Variants in RASAL2 observed in about 807,000 individuals in gnomAD.
RASAL2 encodes RAS protein activator like 2.
Under a neutral mutation model 128.9 loss-of-function variants are expected in RASAL2, and 58 were observed. That is an observed-to-expected ratio of 0.45 (90% CI 0.36 to 0.56). RASAL2 has a LOEUF of 0.56. Ranked by LOEUF, RASAL2 falls within the 20% of genes least tolerant of loss-of-function variation. The pLI is 0.00. For missense variants in RASAL2, 1,360 were observed against 1,601.6 expected, an observed-to-expected ratio of 0.85 and a Z score of 2.57; for synonymous variants, 561 against 580.8, an observed-to-expected ratio of 0.97 and a Z score of 0.49.
chr1:178,279,968 G>A (rs1666707507), intron 1 of RASAL2, among the ~76,000 whole-genome samples: 2 of 152,130 alleles, frequency 1.3e-5, no homozygotes, highest in Admixed American at 6.5e-5. Context: ...TTAACTGATC[G>A]GTGCATGATG....
At chr1:178,247,664 G>T (rs1387844839) in intron 1 of RASAL2, among the ~76,000 whole-genome samples, 2 of 152,040 alleles carry the variant, frequency 1.3e-5, no homozygotes, top group African/African-American at 4.8e-5. Flanking sequence ...TGATGTTAGG[G>T]TGTTGATTTT....
Position 178,420,632 on chromosome 1 carries a change from A to T in RASAL2, c.674+12A>T. On this transcript the variant is annotated intron_variant, in intron 5 of 17. Transcript: ENST00000367649. ...AGTACAGATGACAGGTAGGAAGTTAACTTTCTTAAAACAAAAAAAGCAGTT... is the reference window on the plus strand; with the variant it reads ...AGTACAGATGACAGGTAGGAAGTTATCTTTCTTAAAACAAAAAAAGCAGTT... 6.4e-7 allele frequency: 1 copy of T among 1,568,718 alleles called. No individual in the cohort carries two copies. Among genetic ancestry groups the T allele is most frequent in the Non-Finnish European group, 8.7e-7 (1 of 1,148,988 alleles).
chr1:178,176,481 A>G lies in RASAL2; in HGVS notation c.202+81787A>G, dbSNP rs929870599. Among the ~76,000 whole-genome samples, 9 of 151,736 alleles carry G rather than the reference A, an allele frequency of 5.9e-5. No individual in the cohort carries two copies. In the East Asian group the frequency reaches 1.5e-3, roughly 26 times the overall value. On this transcript the variant is annotated intron_variant, in intron 1 of 17. Transcript: ENST00000367649. ...TGTTTGTCAGATGCATAGCTTGCAG[A>G]TGTTTTCTCCCATTCTCATAGTTCT...
chr1:178,395,834 T>C (rs1444326368), intron 4 of RASAL2, among the ~76,000 whole-genome samples: 1 of 150,060 alleles, frequency 6.7e-6, no homozygotes, highest in Non-Finnish European at 1.5e-5. Context: ...TATGAGTATA[T>C]TCATATGTCT....
At chr1:178,295,569 G>A (rs1209938245) in intron 2 of RASAL2, among the ~76,000 whole-genome samples, 1 of 152,106 alleles carries the variant, frequency 6.6e-6, no homozygotes, top group Non-Finnish European at 1.5e-5. Flanking sequence ...TGATAGGAAG[G>A]AGAGGAAACA....
At chr1:178,236,107 C>T (rs1664223047) in intron 1 of RASAL2, among the ~76,000 whole-genome samples, 1 of 152,000 alleles carries the variant, frequency 6.6e-6, no homozygotes, top group East Asian at 1.9e-4. Context: ...CTATTGATTA[C>T]CAAACCTTCA....
chr1:178,193,719 G>T (rs1662565783), intron 1 of RASAL2, among the ~76,000 whole-genome samples: 3 of 151,966 alleles, frequency 2.0e-5, no homozygotes, highest in Non-Finnish European at 4.4e-5. Context: ...TAAACACTTA[G>T]ATTGCCTCAT....
intron 4 of RASAL2, among the ~76,000 whole-genome samples, chr1:178,399,426 A>G (rs759340907): frequency 1.3e-4 from 20 of 152,116 alleles, no homozygotes; most frequent in Non-Finnish European, 2.5e-4. Context: ...TCTCCAAGCC[A>G]GGTACCTAGT....
intron 1 of RASAL2, among the ~76,000 whole-genome samples, chr1:178,145,577 G>A (rs1660707661): frequency 6.6e-6 from 1 of 150,532 alleles, no homozygotes; most frequent in South Asian, 2.1e-4. Flanking sequence ...AAAAGGGGGA[G>A]TATATTAGTT....
intron 1 of RASAL2, among the ~76,000 whole-genome samples, chr1:178,099,861 C>T (rs55711897): frequency 0.035 from 5,293 of 152,060 alleles, 265 homozygotes; most frequent in African/African-American, 0.12. Flanking sequence ...ACTTGGGAGG[C>T]TGAGGCAGGA....
rs886791510 is a variant in RASAL2 at position 178,327,770 on chromosome 1, G to C, written c.457+27652G>C. On this transcript the variant is annotated intron_variant, in intron 3 of 17. Transcript: ENST00000367649. ...AAGAATGACCTTATTTAGAGAAAAG[G>C]TCTTTGTAGGTATAATTAAAAATCT... Among the ~76,000 whole-genome samples the C allele has an allele frequency of 6.6e-5, 10 of 152,214 alleles. No individual in the cohort carries two copies. The South Asian group carries it at 1.9e-3, about 28-fold the overall frequency.
intron 3 of RASAL2, among the ~76,000 whole-genome samples, chr1:178,305,353 C>T (rs1667938640): frequency 6.6e-6 from 1 of 152,026 alleles, no homozygotes; most frequent in Non-Finnish European, 1.5e-5. Flanking sequence ...TCATTCTGAG[C>T]AAAAGGAACA....
chr1:178,448,279 G>A (rs565167524), intron 9 of RASAL2, among the ~76,000 whole-genome samples: 207 of 152,298 alleles, frequency 1.4e-3, no homozygotes, highest in African/African-American at 4.8e-3. Flanking sequence ...AGAAATTATG[G>A]AAGGTAAAGA....
intron 1 of RASAL2, among the ~76,000 whole-genome samples, chr1:178,248,460 C>A (rs1030621611): frequency 6.6e-6 from 1 of 152,046 alleles, no homozygotes; most frequent in African/African-American, 2.4e-5. Flanking sequence ...AGATAGGTCT[C>A]CTGAATACAG....
intron 2 of RASAL2, among the ~76,000 whole-genome samples, chr1:178,296,647 G>A (rs1017333793): frequency 1.3e-5 from 2 of 150,196 alleles, no homozygotes; most frequent in Non-Finnish European, 3.0e-5. Context: ...ACAGGTGGGA[G>A]CCCTACTGCA....
chr1:178,167,554 G>T (rs1430807396), intron 1 of RASAL2, among the ~76,000 whole-genome samples: 1 of 152,052 alleles, frequency 6.6e-6, no homozygotes, highest in Non-Finnish European at 1.5e-5. Flanking sequence ...AATACTCCCT[G>T]CCTTGCAGCC....
chr1:178,373,293 G>GTT (rs1571951183), intron 3 of RASAL2, among the ~76,000 whole-genome samples: 1 of 26,428 alleles, frequency 3.8e-5, no homozygotes, highest in African/African-American at 1.7e-4. Flanking sequence ...TTTTTTTGCA[G>GTT]TTTAGATGTA....
At chr1:178,241,959 T>C (rs1664517698) in intron 1 of RASAL2, among the ~76,000 whole-genome samples, 1 of 152,252 alleles carries the variant, frequency 6.6e-6, no homozygotes. Flanking sequence ...TTTTTGCTCA[T>C]GCAGGGAGCA....
chr1:178,117,184 C>T (rs1659548506), intron 1 of RASAL2, among the ~76,000 whole-genome samples: 2 of 152,156 alleles, frequency 1.3e-5, no homozygotes, highest in South Asian at 4.1e-4. Context: ...ACTTTCTCTA[C>T]TAGAGTTAAC....
Sources: allele counts gnomAD v4.1 joint callset (sites outside exome capture counted in the v4.1 genomes callset), GRCh38; gene constraint gnomAD v4.1.1; transcripts MANE v1.5; gene names NCBI Gene and HGNC (gene_info 2026-07-23, HGNC 2026-07-21).